Variants in PAK5 observed in about 807,000 individuals in gnomAD.
The protein encoded by PAK5 is serine/threonine-protein kinase PAK 5.
A neutral mutation model predicts 65.9 loss-of-function variants in PAK5; 16 were observed. The ratio of observed to expected loss-of-function variants is 0.24; its 90% CI spans 0.16 to 0.37. The LOEUF (loss-of-function observed/expected upper bound fraction) is 0.37. Among genes scored for constraint, PAK5 ranks in the 10% least tolerant of loss-of-function variants. PAK5 has a pLI of 1.00. For synonymous variants in PAK5, 371 were observed against 354.9 expected (o/e 1.05, Z -0.51); for missense variants, 785 against 903.9 (o/e 0.87, Z 1.69).
intron 2 of PAK5, among the ~76,000 whole-genome samples, chr20:9,667,864 C>A (rs1455208223): frequency 3.3e-5 from 5 of 152,104 alleles, no homozygotes; most frequent in African/African-American, 7.2e-5. Flanking sequence ...TCTGTTAGTA[C>A]CTTTTCAAAA....
chr20:9,810,216 A>G (rs555745681), intron 1 of PAK5, among the ~76,000 whole-genome samples: 1 of 152,290 alleles, frequency 6.6e-6, no homozygotes, highest in Admixed American at 6.5e-5. Flanking sequence ...TGTAAATTTG[A>G]AAGCACCAAA....
rs1460582476 is a variant in PAK5, at chr20:9,538,920, G to C, written c.*542C>G. 1.3e-5 allele frequency: 3 copies of C among 233,036 alleles called. No homozygotes were observed. Among genetic ancestry groups the C allele is most frequent in the Admixed American group, 1.1e-4 (2 of 17,760 alleles). 14.4% of individuals were successfully genotyped at this position (233,036 alleles called of 1,614,324 possible). A position where few individuals can be genotyped will look rare whatever the true frequency, so the allele number is the denominator to read the frequency against. ...GGGATAAAAAAGTAGGAAAGGCTTT[G>C]TTCAAACTCCTCTAGTAAACAAGTA... On this transcript the variant is annotated 3_prime_UTR_variant, in exon 10 of 10. Transcript: ENST00000353224.
chr20:9,780,986 T>A lies in PAK5; in HGVS notation c.-162+57776A>T, dbSNP rs141742129. 3.6e-3 allele frequency among the ~76,000 whole-genome samples: 552 copies of A among 152,280 alleles called. 13 individuals are homozygous for A. The highest frequency in any genetic ancestry group is 0.032 in the Admixed American group (488 of 15,290). On this transcript the variant is annotated intron_variant, in intron 1 of 9. Coordinates refer to ENST00000353224, the MANE Select transcript of PAK5 (RefSeq NM_177990.4). The stretch of plus-strand genomic sequence containing the variant: ...GTCTCAGATTGAATGTCTCTTTATT[T>A]CATGAAATAAACAGTGCCTAATACA...
At chr20:9,741,187 C>A (rs1162624385) in intron 1 of PAK5, among the ~76,000 whole-genome samples, 1 of 152,102 alleles carries the variant, frequency 6.6e-6, no homozygotes, top group East Asian at 1.9e-4. Flanking sequence ...AAATTTATGG[C>A]TCCATGAGAC....
chr20:9,574,347 C>A (rs2045847121), intron 4 of PAK5, among the ~76,000 whole-genome samples: 1 of 152,156 alleles, frequency 6.6e-6, no homozygotes, highest in African/African-American at 2.4e-5. Context: ...GGCTCTTCCT[C>A]CACCTCTGAA....
At chr20:9,800,064 T>C (rs750119820) in intron 1 of PAK5, among the ~76,000 whole-genome samples, 14 of 151,974 alleles carry the variant, frequency 9.2e-5, no homozygotes, top group Non-Finnish European at 1.6e-4. Flanking sequence ...GTAGAATTTA[T>C]AAGAAGACAA....
intron 2 of PAK5, among the ~76,000 whole-genome samples, chr20:9,707,334 T>C (rs1348229845): frequency 6.6e-6 from 1 of 152,092 alleles, no homozygotes; most frequent in African/African-American, 2.4e-5. Context: ...GGTCTCAAAC[T>C]CCTGGACCCA....
At chr20:9,596,066 T>C (rs2123083747) in intron 3 of PAK5, among the ~76,000 whole-genome samples, 1 of 152,346 alleles carries the variant, frequency 6.6e-6, no homozygotes, top group Admixed American at 6.5e-5. Flanking sequence ...TGGAATTTCA[T>C]TGTACATTAA....
chr20:9,718,315 T>A (rs1600282996), intron 1 of PAK5, among the ~76,000 whole-genome samples: 1 of 152,074 alleles, frequency 6.6e-6, no homozygotes, highest in Non-Finnish European at 1.5e-5. Context: ...GGCAGCCCCT[T>A]ATGCAAATAC....
At chr20:9,795,289 C>T (rs6039586) in intron 1 of PAK5, among the ~76,000 whole-genome samples, 109,654 of 152,012 alleles carry the variant, frequency 0.72, 39,638 homozygotes, top group Admixed American at 0.76. Context: ...ACAAAAGGCA[C>T]TTATACAATT....
chr20:9,567,298 T>A (rs2045699054), intron 4 of PAK5, among the ~76,000 whole-genome samples: 1 of 152,172 alleles, frequency 6.6e-6, no homozygotes, highest in Non-Finnish European at 1.5e-5. Flanking sequence ...GGCTCTTTCT[T>A]AATGCAGTGC....
At chr20:9,739,699 T>C (rs2048430298) in intron 1 of PAK5, among the ~76,000 whole-genome samples, 1 of 152,164 alleles carries the variant, frequency 6.6e-6, no homozygotes, top group South Asian at 2.1e-4. Flanking sequence ...TCAAACTTTT[T>C]TGAATAATCA....
intron 2 of PAK5, among the ~76,000 whole-genome samples, chr20:9,672,026 TTGAAGGAA>T (rs1404930741): frequency 1.3e-5 from 2 of 151,860 alleles, no homozygotes; most frequent in Non-Finnish European, 2.9e-5. Context: ...GTGGAATTTG[TTGAAGGAA>T]TGAACAAATG....
At chr20:9,690,539 C>T (rs150748667) in intron 2 of PAK5, among the ~76,000 whole-genome samples, 183 of 151,848 alleles carry the variant, frequency 1.2e-3, no homozygotes, top group African/African-American at 4.2e-3. Flanking sequence ...AAGTGAGTAC[C>T]GTGGGCAACT....
chr20:9,741,948 A>C (rs1246040221), intron 1 of PAK5, among the ~76,000 whole-genome samples: 2 of 152,092 alleles, frequency 1.3e-5, no homozygotes, highest in African/African-American at 4.8e-5. Context: ...GGAAGTAGCT[A>C]CTCAGGGATC....
At position 9,809,518 on chromosome 20, in the gene PAK5, A is replaced by AT. The variant is rs554732172; in HGVS notation, c.-162+29243dup. On this transcript the variant is annotated intron_variant, in intron 1 of 9. Coordinates refer to ENST00000353224, the MANE Select transcript of PAK5 (RefSeq NM_177990.4). ...TGATCACACTCAGGCAAATAACTAG[A>AT]TTTTTTTCCTCCCATCAGGGACTTA... Among the ~76,000 whole-genome samples, 321 of 152,084 alleles carry AT rather than the reference A, an allele frequency of 2.1e-3. 1 individual carries two copies. The highest frequency in any genetic ancestry group is 7.4e-3 in the African/African-American group (308 of 41,486).
Position 9,539,375 on chromosome 20 carries a change from G to A in PAK5, c.*87C>T. 7.6e-7 allele frequency: 1 copy of A among 1,307,336 alleles called. No homozygotes were observed. Among genetic ancestry groups the A allele is most frequent in the Non-Finnish European group, 1.1e-6 (1 of 916,420 alleles). 81.0% of individuals were successfully genotyped at this position (1,307,336 alleles called of 1,614,324 possible). On this transcript the variant is annotated 3_prime_UTR_variant, in exon 10 of 10. Coordinates refer to ENST00000353224, the MANE Select transcript of PAK5 (RefSeq NM_177990.4). ...CAATTGGCTGGTCTAGAATGCACAG[G>A]CCTTTTGCATGTTCTGTGTTTCCTT...
intron 1 of PAK5, among the ~76,000 whole-genome samples, chr20:9,807,762 A>AATAATAATAAT (rs151079489): frequency 7.0e-6 from 1 of 142,326 alleles, no homozygotes. Context: ...AGCAAAAAAT[A>AATAATAATAAT]AATAATAATA....
chr20:9,539,456 C>G lies in PAK5; in HGVS notation c.*6G>C, dbSNP rs1277403689. On this transcript the variant is annotated 3_prime_UTR_variant, in exon 10 of 10. Coordinates refer to ENST00000353224, the MANE Select transcript of PAK5 (RefSeq NM_177990.4). ...TCTAGCTTTGCCACCTACACGAATC[C>G]TCTGCTCAGTGATGCCTGTATTGTC... 1.2e-6 allele frequency: 2 copies of G among 1,613,448 alleles called. No individual in the cohort carries two copies. The highest frequency in any genetic ancestry group is 2.7e-5 in the African/African-American group (2 of 75,026).
Sources: allele counts gnomAD v4.1 joint callset (sites outside exome capture counted in the v4.1 genomes callset), GRCh38; gene constraint gnomAD v4.1.1; transcripts MANE v1.5; gene names NCBI Gene and HGNC (gene_info 2026-07-23, HGNC 2026-07-21).